Variants in IGSF5 observed in about 807,000 individuals in gnomAD.
IGSF5 encodes immunoglobulin superfamily member 5.
A neutral mutation model predicts 39.4 loss-of-function variants in IGSF5; 41 were observed. That is an observed-to-expected ratio of 1.04 (90% CI 0.81 to 1.35). The LOEUF (loss-of-function observed/expected upper bound fraction) is 1.35. IGSF5 is among the 40% of genes most tolerant of loss of function. IGSF5 has a pLI of 0.00. For missense variants in IGSF5, 487 were observed against 494.6 expected (o/e 0.98, Z 0.15); for synonymous variants, 183 against 175.3 (o/e 1.04, Z -0.34).
At chr21:39,754,672 A>T (rs2080021269) in intron 2 of IGSF5, among the ~76,000 whole-genome samples, 1 of 152,182 alleles carries the variant, frequency 6.6e-6, no homozygotes, top group Admixed American at 6.5e-5. Flanking sequence ...TAAGAATAAA[A>T]GATTTTTCAA....
At chr21:39,751,265 G>C (rs1011941768) in intron 2 of IGSF5, 3 of 152,194 alleles carry the variant, frequency 2.0e-5, no homozygotes, top group African/African-American at 7.2e-5. Flanking sequence ...CAAGAGCCAC[G>C]AAGAGGCCTT....
intron 2 of IGSF5, among the ~76,000 whole-genome samples, chr21:39,761,679 CTTTTT>C (rs372773616): frequency 6.6e-6 from 1 of 151,984 alleles, no homozygotes; most frequent in Non-Finnish European, 1.5e-5. Context: ...CTTTCCTTTT[CTTTTT>C]TTGAGACAGA....
At chr21:39,747,314 G>A (rs963454875) in intron 2 of IGSF5, among the ~76,000 whole-genome samples, 1 of 152,196 alleles carries the variant, frequency 6.6e-6, no homozygotes, top group East Asian at 1.9e-4. Context: ...ACAGTATGGG[G>A]AAACTGCCGC....
chr21:39,734,254 C>A, the IGSF5 span, among the ~76,000 whole-genome samples: 1 of 151,970 alleles, frequency 6.6e-6, no homozygotes, highest in African/African-American at 2.4e-5. Flanking sequence ...GAAACCCCAT[C>A]TCTACTGAAA....
chr21:39,744,046 C>G (rs1270893177), upstream of IGSF5, among the ~76,000 whole-genome samples: 5 of 152,122 alleles, frequency 3.3e-5, no homozygotes, highest in African/African-American at 1.2e-4. Context: ...CTAGAGTGTC[C>G]TCTGTGGTCC....
At chr21:39,757,431 C>T (rs1298351536) in intron 2 of IGSF5, among the ~76,000 whole-genome samples, 8 of 151,876 alleles carry the variant, frequency 5.3e-5, no homozygotes, top group Non-Finnish European at 7.4e-5. Flanking sequence ...GGTGGGCTGG[C>T]GGGTGGTGTA....
intron 8 of IGSF5, among the ~76,000 whole-genome samples, chr21:39,795,543 A>G (rs1295804301): frequency 6.7e-6 from 1 of 149,854 alleles, no homozygotes; most frequent in East Asian, 1.9e-4. Flanking sequence ...TTCAAAATAC[A>G]TCTAGTATGA....
At chr21:39,763,836 G>A (rs1336701582) in intron 2 of IGSF5, among the ~76,000 whole-genome samples, 2 of 152,142 alleles carry the variant, frequency 1.3e-5, no homozygotes, top group African/African-American at 4.8e-5. Flanking sequence ...TCATGGAAAG[G>A]GCATTGCGGC....
At chr21:39,757,250 A>AT (rs773580302) in intron 2 of IGSF5, among the ~76,000 whole-genome samples, 10 of 116,122 alleles carry the variant, frequency 8.6e-5, no homozygotes, top group Non-Finnish European at 1.8e-4. Flanking sequence ...CTAATAGGCC[A>AT]TATCATCTAT....
At chr21:39,799,644 C>T (rs2087017754) in intron 8 of IGSF5, among the ~76,000 whole-genome samples, 1 of 151,990 alleles carries the variant, frequency 6.6e-6, no homozygotes, top group Admixed American at 6.5e-5. Flanking sequence ...GCTCCACCGG[C>T]CTTGCTGCAA....
intron 6 of IGSF5, among the ~76,000 whole-genome samples, chr21:39,790,743 G>A (rs1345900479): frequency 6.6e-6 from 1 of 152,138 alleles, no homozygotes; most frequent in African/African-American, 2.4e-5. Context: ...ACTCATTTCT[G>A]TTTGGTTCTG....
chr21:39,724,072 TAAAATAAAATA>T, the IGSF5 span, among the ~76,000 whole-genome samples: 1 of 3,096 alleles, frequency 3.2e-4, no homozygotes, highest in East Asian at 4.0e-3. Flanking sequence ...TCTCAAAAAA[TAAAATAAAATA>T]AAATAAAATA....
Position 39,780,649 on chromosome 21 carries a change from G to A in IGSF5, c.934+1344G>A, listed in dbSNP as rs921699385. On this transcript the variant is annotated intron_variant, in intron 5 of 8. Coordinates refer to ENST00000380588, the MANE Select transcript of IGSF5 (RefSeq NM_001080444.2). Reference sequence around the variant, plus strand: ...CAATACAATTAATAAAAATAATTACGTGTTTCTTTAGAATGAAATTCTCTG... The same window carrying A: ...CAATACAATTAATAAAAATAATTACATGTTTCTTTAGAATGAAATTCTCTG... Among the ~76,000 whole-genome samples the A allele has an allele frequency of 1.4e-4, 22 of 152,134 alleles. 1 individual carries two copies. Among genetic ancestry groups the A allele is most frequent in the African/African-American group, 3.9e-4 (16 of 41,424 alleles).
chr21:39,779,337 A>G, intron 5 of IGSF5, 32 bp downstream of exon 5: 1 of 1,597,034 alleles, frequency 6.3e-7, no homozygotes, highest in Non-Finnish European at 8.6e-7. Context: ...ATTTGTACAT[A>G]CTTCTGAACT....
intron 5 of IGSF5, among the ~76,000 whole-genome samples, chr21:39,783,132 T>C (rs1375197103): frequency 1.3e-5 from 2 of 152,232 alleles, no homozygotes; most frequent in Admixed American, 6.5e-5. Flanking sequence ...TATTAATAGA[T>C]ATTTAGATTG....
At chr21:39,745,697 C>T (rs1006962646) in intron 1 of IGSF5, among the ~76,000 whole-genome samples, 171 bp downstream of exon 1, 1 of 152,184 alleles carries the variant, frequency 6.6e-6, no homozygotes, top group African/African-American at 2.4e-5. Flanking sequence ...ATGTCCCCAA[C>T]AACCCCAGAA....
intron 6 of IGSF5, among the ~76,000 whole-genome samples, chr21:39,788,676 G>A (rs931331295): frequency 6.6e-6 from 1 of 152,202 alleles, no homozygotes; most frequent in Non-Finnish European, 1.5e-5. Context: ...GAGCGGACAG[G>A]ACGGAAAAAT....
intron 3 of IGSF5, among the ~76,000 whole-genome samples, chr21:39,768,464 A>C (rs754787888): frequency 2.0e-5 from 3 of 152,230 alleles, no homozygotes; most frequent in Non-Finnish European, 4.4e-5. Context: ...TGTGAAAGCC[A>C]GTGGGGGAAA....
At chr21:39,799,850 A>G (rs541631107) in intron 8 of IGSF5, among the ~76,000 whole-genome samples, 13 of 152,334 alleles carry the variant, frequency 8.5e-5, no homozygotes, top group African/African-American at 2.2e-4. Flanking sequence ...GACTGTAGAG[A>G]TCTCAATCAT....
Sources: gnomAD v4.1 joint callset for allele counts (sites outside exome capture counted in the v4.1 genomes callset) on GRCh38, gnomAD v4.1.1 for gene constraint, MANE v1.5 for transcripts, NCBI Gene and HGNC (gene_info 2026-07-23, HGNC 2026-07-21) for gene names.